MYO9A: variants seen among roughly 807,000 people sequenced by gnomAD.
MYO9A encodes unconventional myosin-IXa.
A neutral mutation model predicts 293.3 loss-of-function variants in MYO9A; 103 were observed. That is an observed-to-expected ratio of 0.35 (90% CI 0.30 to 0.41). The LOEUF (loss-of-function observed/expected upper bound fraction) is 0.41, where lower values mean the gene tolerates loss of function less well. Ranked by LOEUF, MYO9A falls within the 10% of genes least tolerant of loss-of-function variation. The pLI is 1.00. For synonymous variants in MYO9A, 1,001 were observed against 1,035.7 expected, an observed-to-expected ratio of 0.97 and a Z score of 0.64; for missense variants, 2,685 against 3,033.0, an observed-to-expected ratio of 0.89 and a Z score of 2.69.
At chr15:71,876,726 G>T (rs2056705918) in intron 31 of MYO9A, among the ~76,000 whole-genome samples, 1 of 152,038 alleles carries the variant, frequency 6.6e-6, no homozygotes, top group Non-Finnish European at 1.5e-5. Flanking sequence ...GAGCCACTGT[G>T]CCAAGCTGAT....
intron 2 of MYO9A, among the ~76,000 whole-genome samples, chr15:72,043,933 CTTTTT>C (rs3028362): frequency 7.1e-6 from 1 of 140,572 alleles, no homozygotes. Flanking sequence ...ATTCCCTTTC[CTTTTT>C]TTTTTTTTTT....
At chr15:72,091,282 C>A (rs1596551097) in intron 1 of MYO9A, among the ~76,000 whole-genome samples, 1 of 151,692 alleles carries the variant, frequency 6.6e-6, no homozygotes, top group African/African-American at 2.4e-5. Context: ...ATTTTACAAA[C>A]AAAATTCACC....
intron 31 of MYO9A, among the ~76,000 whole-genome samples, chr15:71,876,156 T>C (rs1432155384): frequency 1.3e-5 from 2 of 151,818 alleles, no homozygotes; most frequent in Middle Eastern, 3.2e-3. Context: ...TGATTTTTTT[T>C]TTTTTTTGAG....
intron 28 of MYO9A, 83 bp downstream of exon 28, chr15:71,883,511 T>C: frequency 5.0e-6 from 7 of 1,409,276 alleles, no homozygotes; most frequent in Non-Finnish European, 6.8e-6. Context: ...GGATTGACAT[T>C]ATGAATACTA....
intron 1 of MYO9A, among the ~76,000 whole-genome samples, chr15:72,082,951 T>C (rs958624569): frequency 2.6e-5 from 4 of 151,408 alleles, no homozygotes; most frequent in South Asian, 4.2e-4. Context: ...GATTTTTGCA[T>C]TGATATTCAT....
intron 40 of MYO9A, among the ~76,000 whole-genome samples, chr15:71,828,752 A>C (rs2054607818): frequency 6.6e-6 from 1 of 152,174 alleles, no homozygotes; most frequent in Non-Finnish European, 1.5e-5. Flanking sequence ...ACTCATCTGA[A>C]TATTCTAACA....
intron 1 of MYO9A, among the ~76,000 whole-genome samples, chr15:72,075,213 G>A (rs978820563): frequency 1.6e-4 from 24 of 151,684 alleles, no homozygotes; most frequent in African/African-American, 2.4e-4. Context: ...TGATCCACCC[G>A]CCTCGGCTTC....
At chr15:71,846,589 C>CTGAT (rs2055398052) in intron 39 of MYO9A, among the ~76,000 whole-genome samples, 1 of 152,148 alleles carries the variant, frequency 6.6e-6, no homozygotes, top group African/African-American at 2.4e-5. Context: ...GTTAAGGTAA[C>CTGAT]TGATATCTAA....
intron 32 of MYO9A, among the ~76,000 whole-genome samples, chr15:71,873,385 A>G (rs2056583508): frequency 6.6e-6 from 1 of 151,926 alleles, no homozygotes; most frequent in Non-Finnish European, 1.5e-5. Context: ...TCAATAAAGA[A>G]CCTCGTGCAT....
Position 72,029,918 on chromosome 15 carries a change from C to T in MYO9A, c.936-2125G>A, listed in dbSNP as rs1308355874. ...CTTAAGCTGTATTTCTCCCAGTTGC[C>T]TCCCACCACATGCTATATACTTCAG... On this transcript the variant is annotated intron_variant, in intron 3 of 41. Coordinates refer to ENST00000356056, the MANE Select transcript of MYO9A (RefSeq NM_006901.4). 2.6e-5 allele frequency among the ~76,000 whole-genome samples: 4 copies of T among 152,250 alleles called. No homozygotes were observed. The East Asian group carries it at 7.7e-4, about 29-fold the overall frequency.
intron 6 of MYO9A, among the ~76,000 whole-genome samples, chr15:72,017,629 C>A (rs114810092): frequency 6.6e-6 from 1 of 152,092 alleles, no homozygotes; most frequent in Admixed American, 6.5e-5. Context: ...AATAGTAATA[C>A]AATTAAAATT....
intron 32 of MYO9A, among the ~76,000 whole-genome samples, chr15:71,865,668 A>C (rs1385686444): frequency 6.6e-6 from 1 of 152,208 alleles, no homozygotes; most frequent in Non-Finnish European, 1.5e-5. Flanking sequence ...AGAGGGATTG[A>C]GTGAGTGCTC....
At chr15:72,066,606 G>T (rs757406693) in intron 1 of MYO9A, among the ~76,000 whole-genome samples, 1 of 152,086 alleles carries the variant, frequency 6.6e-6, no homozygotes, top group African/African-American at 2.4e-5. Flanking sequence ...GACACCAGAA[G>T]CATGGTTTCC....
intron 6 of MYO9A, among the ~76,000 whole-genome samples, chr15:72,014,612 G>T (rs2077268730): frequency 6.6e-6 from 1 of 152,110 alleles, no homozygotes; most frequent in African/African-American, 2.4e-5. Context: ...CTTGAACCCA[G>T]AAGGTGGGAG....
chr15:71,914,511 AATAAGT>A (rs1237523269), intron 19 of MYO9A, among the ~76,000 whole-genome samples: 1 of 152,138 alleles, frequency 6.6e-6, no homozygotes, highest in African/African-American at 2.4e-5. Flanking sequence ...TCACCTTTAT[AATAAGT>A]ATAATAGTAA....
At chr15:71,988,536 G>T (rs1033900880) in intron 11 of MYO9A, among the ~76,000 whole-genome samples, 1 of 152,092 alleles carries the variant, frequency 6.6e-6, no homozygotes, top group Admixed American at 6.5e-5. Flanking sequence ...CATCAAGTTG[G>T]CCAGGACTAA....
intron 1 of MYO9A, among the ~76,000 whole-genome samples, chr15:72,070,410 G>T (rs1165217339): frequency 6.6e-6 from 1 of 150,934 alleles, no homozygotes; most frequent in Non-Finnish European, 1.5e-5. Context: ...CAGAGATTGT[G>T]CCACTGTACT....
intron 15 of MYO9A, among the ~76,000 whole-genome samples, chr15:71,940,540 T>A (rs1387224309): frequency 6.6e-6 from 1 of 151,822 alleles, no homozygotes; most frequent in Non-Finnish European, 1.5e-5. Context: ...GCAATAAATA[T>A]TCTGAAATGA....
intron 19 of MYO9A, among the ~76,000 whole-genome samples, chr15:71,906,193 T>A (rs1361394102): frequency 6.6e-6 from 1 of 152,204 alleles, no homozygotes; most frequent in Non-Finnish European, 1.5e-5. Context: ...ACATTTTGTA[T>A]GATTTTAACT....
Sources: allele counts gnomAD v4.1 joint callset (sites outside exome capture counted in the v4.1 genomes callset), GRCh38; gene constraint gnomAD v4.1.1; transcripts MANE v1.5; gene names NCBI Gene and HGNC (gene_info 2026-07-23, HGNC 2026-07-21).